Variants in RORA observed in about 807,000 individuals in gnomAD.
RORA encodes nuclear receptor ROR-alpha.
A neutral mutation model predicts 69.5 loss-of-function variants in RORA; 7 were observed. The observed-to-expected ratio is 0.10, with a 90% CI of 0.06 to 0.19. The LOEUF (loss-of-function observed/expected upper bound fraction) is 0.19. RORA is among the 10% of genes least tolerant of loss of function. RORA has a pLI of 1.00. For missense variants in RORA, 457 were observed against 663.0 expected (o/e 0.69, Z 3.41); for synonymous variants, 261 against 240.8 (o/e 1.08, Z -0.78).
intron 2 of RORA, among the ~76,000 whole-genome samples, chr15:60,602,252 T>G (rs1022223867): frequency 1.3e-5 from 2 of 152,204 alleles, no homozygotes; most frequent in Non-Finnish European, 2.9e-5. Context: ...TTGGTAAGTC[T>G]CTCTGCTTCC....
chr15:60,875,583 C>T (rs1450260238), intron 1 of RORA, among the ~76,000 whole-genome samples: 2 of 152,068 alleles, frequency 1.3e-5, no homozygotes, highest in African/African-American at 4.8e-5. Flanking sequence ...GTTCAATAAC[C>T]CAGGGAATTC....
intron 2 of RORA, among the ~76,000 whole-genome samples, chr15:60,648,256 A>G (rs1378571931): frequency 1.3e-5 from 2 of 152,272 alleles, no homozygotes; most frequent in East Asian, 3.8e-4. Context: ...TGAACATATT[A>G]AAGAAGGTTG....
At chr15:61,146,443 C>A (rs1019256301) in intron 1 of RORA, among the ~76,000 whole-genome samples, 3 of 131,352 alleles carry the variant, frequency 2.3e-5, no homozygotes, top group African/African-American at 8.5e-5. Context: ...CTTCCTCCCC[C>A]CAACACACAT....
At chr15:60,932,209 G>A (rs773752915) in intron 1 of RORA, among the ~76,000 whole-genome samples, 56 of 152,262 alleles carry the variant, frequency 3.7e-4, no homozygotes, top group Non-Finnish European at 5.6e-4. Flanking sequence ...TGAGGGACCT[G>A]AGAAGGTGGG....
At chr15:60,841,917 G>A (rs1216736944) in intron 1 of RORA, among the ~76,000 whole-genome samples, 1 of 152,208 alleles carries the variant, frequency 6.6e-6, no homozygotes, top group African/African-American at 2.4e-5. Context: ...GCCCTTGGGG[G>A]CGTGGGACCT....
chr15:61,127,775 G>A (rs1049992415), intron 1 of RORA, among the ~76,000 whole-genome samples: 2 of 152,016 alleles, frequency 1.3e-5, no homozygotes, highest in Admixed American at 6.5e-5. Flanking sequence ...CATTAACACG[G>A]GCCATCCAGA....
chr15:60,908,252 G>T (rs1891601816), intron 1 of RORA, among the ~76,000 whole-genome samples: 1 of 152,160 alleles, frequency 6.6e-6, no homozygotes, highest in Admixed American at 6.5e-5. Flanking sequence ...TGTGTGGAGG[G>T]GGCGCTTTTG....
chr15:61,066,277 T>C (rs1443869565), intron 1 of RORA, among the ~76,000 whole-genome samples: 1 of 152,282 alleles, frequency 6.6e-6, no homozygotes, highest in Middle Eastern at 3.4e-3. Flanking sequence ...TTAGCCGTAA[T>C]AACACTTCAG....
chr15:60,732,172 C>T (rs2071438089), intron 1 of RORA, among the ~76,000 whole-genome samples: 1 of 152,126 alleles, frequency 6.6e-6, no homozygotes, highest in Admixed American at 6.5e-5. Context: ...TGCATATACA[C>T]CCCCAAATTA....
chr15:60,517,143 TG>T (rs1161031905), intron 3 of RORA, among the ~76,000 whole-genome samples: 4 of 149,878 alleles, frequency 2.7e-5, no homozygotes, highest in Non-Finnish European at 2.9e-5. Flanking sequence ...AATAGGCAGA[TG>T]GGAAGTTATG....
At chr15:61,178,345 T>G (rs1009611621) in intron 1 of RORA, among the ~76,000 whole-genome samples, 4 of 152,218 alleles carry the variant, frequency 2.6e-5, no homozygotes, top group East Asian at 1.9e-4. Flanking sequence ...ACTTGAATTA[T>G]TCGGATCCAA....
At chr15:61,023,578 C>T (rs146146394) in intron 1 of RORA, among the ~76,000 whole-genome samples, 152 of 152,294 alleles carry the variant, frequency 1.0e-3, no homozygotes, top group African/African-American at 3.6e-3. Flanking sequence ...AACTATACCA[C>T]TCAGCTTTTG....
In RORA at chr15:60,497,114, ACT is replaced by A. The variant is rs2065187067; in HGVS notation, c.*339_*340del. ...CTCTGTTGTTACTGACAGATTGGTGACTCTGTAGAAAGTCTGTGGGCAGTGAG... is the reference window on the plus strand; with the variant it reads ...CTCTGTTGTTACTGACAGATTGGTGACTGTAGAAAGTCTGTGGGCAGTGAG... On this transcript the variant is annotated 3_prime_UTR_variant, in exon 11 of 11. Transcript: ENST00000335670. The A allele has an allele frequency of 5.2e-6, 1 of 190,734 alleles. No individual in the cohort carries two copies. The highest frequency in any genetic ancestry group is 5.8e-5 in the Admixed American group (1 of 17,372). 11.8% of individuals were successfully genotyped at this position (190,734 alleles called of 1,614,324 possible).
In RORA at chr15:61,188,753, T is replaced by C. The variant is rs140742993; in HGVS notation, c.166+40300A>G. ...CAGGTGATAAAAGTGGCCCCACTGG[T>C]CCTCTTCTTCCTTTGATAGCAAAGA... On this transcript the variant is annotated intron_variant, in intron 1 of 10. Transcript: ENST00000335670. Among the ~76,000 whole-genome samples, 299 of 152,344 alleles carry C rather than the reference T, an allele frequency of 2.0e-3. 1 individual carries two copies. The highest frequency in any genetic ancestry group is 6.9e-3 in the African/African-American group (289 of 41,596).
At chr15:60,939,827 T>G (rs1892637432) in intron 1 of RORA, among the ~76,000 whole-genome samples, 1 of 152,178 alleles carries the variant, frequency 6.6e-6, no homozygotes, top group African/African-American at 2.4e-5. Context: ...CTCTTTTCCC[T>G]CCTCTTGCAC....
intron 1 of RORA, among the ~76,000 whole-genome samples, chr15:61,144,335 G>C (rs1400990186): frequency 6.6e-6 from 1 of 152,224 alleles, no homozygotes; most frequent in African/African-American, 2.4e-5. Flanking sequence ...AAAAGGAGCT[G>C]AGCCTTTTAG....
At position 60,942,798 on chromosome 15, in the gene RORA, G is replaced by A. The variant is rs1407781821; in HGVS notation, c.167-264112C>T. On this transcript the variant is annotated intron_variant, in intron 1 of 10. Coordinates refer to ENST00000335670, the MANE Select transcript of RORA (RefSeq NM_134261.3). ...TGCAGACATACCCTGGGATGGAGGT[G>A]GGGAGGACACAGGCAACTGGGCATA... 2.6e-5 allele frequency among the ~76,000 whole-genome samples: 4 copies of A among 152,206 alleles called. No individual in the cohort carries two copies. In the East Asian group the frequency reaches 5.8e-4, roughly 22 times the overall value.
intron 1 of RORA, among the ~76,000 whole-genome samples, chr15:61,172,700 T>C (rs1423398378): frequency 1.3e-5 from 2 of 152,236 alleles, no homozygotes; most frequent in Non-Finnish European, 2.9e-5. Context: ...CCAAAGTAAA[T>C]ACATACTCTC....
chr15:60,621,813 C>T (rs907341308), intron 2 of RORA, among the ~76,000 whole-genome samples: 2 of 151,424 alleles, frequency 1.3e-5, no homozygotes. Context: ...TTTGGGAGGG[C>T]GAGGCAAGCA....
Sources: gnomAD v4.1 joint callset for allele counts (sites outside exome capture counted in the v4.1 genomes callset) on GRCh38, gnomAD v4.1.1 for gene constraint, MANE v1.5 for transcripts, NCBI Gene and HGNC (gene_info 2026-07-23, HGNC 2026-07-21) for gene names.